MSRB3: variants seen among roughly 807,000 people sequenced by gnomAD.
The protein encoded by MSRB3 is methionine sulfoxide reductase B3.
Under a neutral mutation model 21.0 loss-of-function variants are expected in MSRB3, and 13 were observed. The observed-to-expected ratio is 0.62, with a 90% CI of 0.40 to 0.98. The LOEUF is 0.98. MSRB3 is among the 50% of genes least tolerant of loss of function. MSRB3 has a pLI of 0.00. For synonymous variants in MSRB3, 87 were observed against 88.6 expected (o/e 0.98, Z 0.10); for missense variants, 199 against 230.3 (o/e 0.86, Z 0.88).
intron 1 of MSRB3, chr12:65,286,290 G>A (rs958160304): frequency 3.9e-5 from 6 of 152,074 alleles, no homozygotes; most frequent in African/African-American, 1.2e-4. Flanking sequence ...TTGAAAATTT[G>A]AGCCATAGCG....
chr12:65,453,636 A>G, intron 5 of MSRB3, 92 bp from the exon 6 acceptor site: 1 of 946,918 alleles, frequency 1.1e-6, no homozygotes, highest in Non-Finnish European at 1.7e-6. Flanking sequence ...AAGGATTTTC[A>G]TTATTTGCTT....
At chr12:65,427,938 T>C (rs945265034) in intron 5 of MSRB3, among the ~76,000 whole-genome samples, 8 of 152,158 alleles carry the variant, frequency 5.3e-5, no homozygotes, top group African/African-American at 1.9e-4. Flanking sequence ...GTCTGAAATG[T>C]GGACAAACCC....
intron 4 of MSRB3, among the ~76,000 whole-genome samples, chr12:65,339,114 T>A (rs1421372979): frequency 6.6e-6 from 1 of 152,044 alleles, no homozygotes; most frequent in East Asian, 1.9e-4. Context: ...TTCCAGACAT[T>A]CCAGACAGAG....
intron 5 of MSRB3, among the ~76,000 whole-genome samples, chr12:65,393,630 C>CAAA (rs59417371): frequency 5.5e-5 from 5 of 90,632 alleles, no homozygotes; most frequent in Non-Finnish European, 8.6e-5. Flanking sequence ...GACTCCGTCG[C>CAAA]AAAAAAAAAA....
intron 4 of MSRB3, among the ~76,000 whole-genome samples, chr12:65,354,914 A>G (rs1262431101): frequency 1.3e-5 from 2 of 151,812 alleles, no homozygotes; most frequent in African/African-American, 4.8e-5. Flanking sequence ...ATCCCAGAAA[A>G]CGTAGTCATT....
chr12:65,429,214 C>T (rs961894366), intron 5 of MSRB3, among the ~76,000 whole-genome samples: 1 of 151,910 alleles, frequency 6.6e-6, no homozygotes, highest in Admixed American at 6.6e-5. Flanking sequence ...TCTATTTAAC[C>T]CTTTGATATT....
chr12:65,331,172 AC>A (rs2136457217), intron 4 of MSRB3, among the ~76,000 whole-genome samples: 1 of 152,342 alleles, frequency 6.6e-6, no homozygotes. Flanking sequence ...AGACATTTTA[AC>A]TTAATTTAAA....
At chr12:65,433,151 TCAAA>T (rs1440523512) in intron 5 of MSRB3, among the ~76,000 whole-genome samples, 1 of 151,958 alleles carries the variant, frequency 6.6e-6, no homozygotes, top group Non-Finnish European at 1.5e-5. Context: ...AAGCAGAGAC[TCAAA>T]CAAGTATTTT....
intron 5 of MSRB3, among the ~76,000 whole-genome samples, chr12:65,378,716 A>G (rs143277472): frequency 2.0e-5 from 3 of 152,300 alleles, no homozygotes; most frequent in East Asian, 1.9e-4. Context: ...ATGTTTCACT[A>G]TCTCTCAGGG....
intron 4 of MSRB3, among the ~76,000 whole-genome samples, chr12:65,352,150 T>G (rs1415845562): frequency 6.6e-6 from 1 of 152,176 alleles, no homozygotes; most frequent in African/African-American, 2.4e-5. Flanking sequence ...GATGCAAGGC[T>G]GGTTCAATAT....
At chr12:65,282,676 G>GTTTTTTTTTTT (rs796149617) in intron 1 of MSRB3, among the ~76,000 whole-genome samples, 3 of 133,768 alleles carry the variant, frequency 2.2e-5, no homozygotes, top group Non-Finnish European at 3.2e-5. Context: ...CTTTGCTGGT[G>GTTTTTTTTTTT]TTTTTTTTTT....
intron 4 of MSRB3, among the ~76,000 whole-genome samples, chr12:65,346,551 T>C (rs1334740637): frequency 6.6e-6 from 1 of 152,146 alleles, no homozygotes; most frequent in Non-Finnish European, 1.5e-5. Context: ...TTCACTCTGA[T>C]GGTAGTTTCT....
chr12:65,312,135 C>T (rs1874026408), intron 2 of MSRB3, among the ~76,000 whole-genome samples: 1 of 152,044 alleles, frequency 6.6e-6, no homozygotes, highest in African/African-American at 2.4e-5. Flanking sequence ...TAAACTTCTC[C>T]TGATCACAGT....
intron 5 of MSRB3, among the ~76,000 whole-genome samples, chr12:65,383,658 G>T (rs556685922): frequency 9.1e-6 from 1 of 109,500 alleles, no homozygotes; most frequent in East Asian, 2.6e-4. Context: ...ATTGTTAGTA[G>T]AATTTTTTTT....
intron 2 of MSRB3, among the ~76,000 whole-genome samples, chr12:65,318,209 T>A (rs1874426979): frequency 2.0e-5 from 3 of 152,196 alleles, no homozygotes; most frequent in Admixed American, 2.0e-4. Context: ...AATTAATTTA[T>A]ATTTGAAATT....
chr12:65,417,035 A>G (rs1881018532), intron 5 of MSRB3, among the ~76,000 whole-genome samples: 1 of 152,216 alleles, frequency 6.6e-6, no homozygotes, highest in African/African-American at 2.4e-5. Context: ...ATAAAATGAA[A>G]AAGTACTGTG....
intron 4 of MSRB3, among the ~76,000 whole-genome samples, chr12:65,334,461 A>G (rs958115040): frequency 4.6e-5 from 7 of 152,218 alleles, no homozygotes; most frequent in East Asian, 1.9e-4. Flanking sequence ...TGAAATTTTA[A>G]TATTTTATTT....
intron 1 of MSRB3, among the ~76,000 whole-genome samples, chr12:65,302,883 G>A (rs533052178): frequency 1.2e-4 from 18 of 152,120 alleles, no homozygotes; most frequent in South Asian, 2.1e-4. Context: ...AAAAAATAGC[G>A]ACAATGAAAC....
intron 5 of MSRB3, among the ~76,000 whole-genome samples, chr12:65,369,734 T>C (rs1395051306): frequency 2.0e-5 from 3 of 152,294 alleles, no homozygotes; most frequent in South Asian, 4.1e-4. Context: ...TCATATTTCA[T>C]ACAAAGGAAT....
Sources: gnomAD v4.1 joint callset for allele counts (sites outside exome capture counted in the v4.1 genomes callset) on GRCh38, gnomAD v4.1.1 for gene constraint, MANE v1.5 for transcripts, NCBI Gene and HGNC (gene_info 2026-07-23, HGNC 2026-07-21) for gene names.